The following SPOCK3 variants were observed in gnomAD, a reference collection of about 807,000 sequenced individuals.
SPOCK3 encodes the protein SPARC (osteonectin), cwcv and kazal like domains proteoglycan 3, also known as testican-3.
SPOCK3 carries 30 observed loss-of-function variants against 56.6 expected under a neutral mutation model. That is an observed-to-expected ratio of 0.53 (90% CI 0.40 to 0.72). The LOEUF is 0.72. Among genes scored for constraint, SPOCK3 ranks in the 30% least tolerant of loss-of-function variants. The pLI, the probability that SPOCK3 is intolerant of heterozygous loss-of-function variation, is 0.00. For missense variants in SPOCK3, 527 were observed against 530.0 expected, an observed-to-expected ratio of 0.99 and a Z score of 0.06; for synonymous variants, 196 against 183.3, an observed-to-expected ratio of 1.07 and a Z score of -0.56.
At chr4:166,768,715 T>A (rs940429075) in intron 7 of SPOCK3, among the ~76,000 whole-genome samples, 1 of 152,222 alleles carries the variant, frequency 6.6e-6, no homozygotes. Flanking sequence ...CTGTATTTCA[T>A]GAATTTGAAT....
At chr4:167,051,767 G>A (rs879443309) in intron 3 of SPOCK3, among the ~76,000 whole-genome samples, 25 of 152,214 alleles carry the variant, frequency 1.6e-4, no homozygotes, top group Admixed American at 3.3e-4. Flanking sequence ...TGCCACTGAG[G>A]TGGCGCCTGT....
chr4:166,913,205 T>A (rs577575229), intron 4 of SPOCK3, among the ~76,000 whole-genome samples: 92 of 152,272 alleles, frequency 6.0e-4, no homozygotes, highest in African/African-American at 2.2e-3. Flanking sequence ...AGAATTACAA[T>A]TTTCCAGGAT....
intron 4 of SPOCK3, among the ~76,000 whole-genome samples, chr4:166,985,833 C>G (rs1246287178): frequency 6.6e-6 from 1 of 152,072 alleles, no homozygotes; most frequent in African/African-American, 2.4e-5. Context: ...TAGAAAATTG[C>G]AATCATACAA....
At chr4:166,782,972 A>G (rs1206880187) in intron 7 of SPOCK3, among the ~76,000 whole-genome samples, 2 of 152,242 alleles carry the variant, frequency 1.3e-5, no homozygotes, top group Admixed American at 1.3e-4. Context: ...ATAAACAGTA[A>G]TAATAAGCAA....
intron 5 of SPOCK3, among the ~76,000 whole-genome samples, chr4:166,892,924 G>A (rs562149983): frequency 1.3e-5 from 2 of 152,232 alleles, no homozygotes; most frequent in African/African-American, 4.8e-5. Flanking sequence ...CACTGCGACA[G>A]GCTGTTGTTA....
chr4:167,198,774 A>T (rs1191926093), intron 2 of SPOCK3, among the ~76,000 whole-genome samples: 1 of 152,166 alleles, frequency 6.6e-6, no homozygotes, highest in Non-Finnish European at 1.5e-5. Flanking sequence ...TCAAGGGCAG[A>T]CTTTTACAGC....
intron 3 of SPOCK3, among the ~76,000 whole-genome samples, chr4:167,059,213 C>G (rs1755291347): frequency 6.6e-6 from 1 of 151,998 alleles, no homozygotes; most frequent in Admixed American, 6.6e-5. Flanking sequence ...AGTGAACAGG[C>G]AACCTACAAA....
intron 2 of SPOCK3, among the ~76,000 whole-genome samples, chr4:167,092,771 A>G (rs1197529061): frequency 2.6e-5 from 4 of 152,166 alleles, no homozygotes. Context: ...GTGAAGAATA[A>G]TAGAGAAAAT....
chr4:166,778,108 A>AATTGTCAAG (rs1739771362), intron 7 of SPOCK3, among the ~76,000 whole-genome samples: 1 of 152,202 alleles, frequency 6.6e-6, no homozygotes, highest in Admixed American at 6.5e-5. Context: ...ATTTTGTAAG[A>AATTGTCAAG]ATTGTCAAGC....
At chr4:166,948,891 C>G (rs1340271424) in intron 4 of SPOCK3, among the ~76,000 whole-genome samples, 1 of 152,048 alleles carries the variant, frequency 6.6e-6, no homozygotes. Flanking sequence ...TGTTGGCCTG[C>G]CTTGCTAGAT....
chr4:166,960,166 T>A lies in SPOCK3; in HGVS notation c.350+40183A>T, dbSNP rs1423317111. On this transcript the variant is annotated intron_variant, in intron 4 of 10. Coordinates refer to ENST00000357545, the MANE Select transcript of SPOCK3 (RefSeq NM_001040159.2). ...TCCCTTGATAACTCAAAGATACTTT[T>A]TAAAACAATTTTATTTATCTTAATT... Among the ~76,000 whole-genome samples, 3 of 152,206 alleles carry A rather than the reference T, an allele frequency of 2.0e-5. No homozygotes were observed. In the East Asian group the frequency reaches 5.8e-4, roughly 29 times the overall value.
intron 6 of SPOCK3, among the ~76,000 whole-genome samples, chr4:166,840,640 C>G (rs1005373885): frequency 6.6e-6 from 1 of 152,048 alleles, no homozygotes; most frequent in African/African-American, 2.4e-5. Flanking sequence ...CCTGAGGTCC[C>G]TAGCTAGTTG....
intron 2 of SPOCK3, among the ~76,000 whole-genome samples, chr4:167,149,003 ATATC>A (rs1764196147): frequency 6.6e-6 from 1 of 152,124 alleles, no homozygotes; most frequent in Admixed American, 6.6e-5. Flanking sequence ...ATTCTTTTGA[ATATC>A]TATCATATAA....
chr4:166,776,194 C>A (rs536140323), intron 7 of SPOCK3, among the ~76,000 whole-genome samples: 1 of 152,126 alleles, frequency 6.6e-6, no homozygotes, highest in South Asian at 2.1e-4. Flanking sequence ...GCAGGTGGAC[C>A]AGGAGGTCAG....
At chr4:167,057,102 A>T (rs1451808137) in intron 3 of SPOCK3, among the ~76,000 whole-genome samples, 1 of 152,244 alleles carries the variant, frequency 6.6e-6, no homozygotes. Context: ...CAGAAACTCT[A>T]CAAGCCAGAA....
chr4:167,080,722 C>A (rs1036968967), intron 2 of SPOCK3, among the ~76,000 whole-genome samples: 1 of 151,716 alleles, frequency 6.6e-6, no homozygotes, highest in African/African-American at 2.4e-5. Context: ...TCTACCTACC[C>A]GAGATAGAAA....
intron 6 of SPOCK3, among the ~76,000 whole-genome samples, chr4:166,805,671 G>C (rs1318865175): frequency 6.6e-6 from 1 of 152,040 alleles, no homozygotes; most frequent in Non-Finnish European, 1.5e-5. Flanking sequence ...AGGCATGCCT[G>C]CTATTACAAT....
At chr4:166,965,749 A>G (rs1221188381) in intron 4 of SPOCK3, among the ~76,000 whole-genome samples, 2 of 152,040 alleles carry the variant, frequency 1.3e-5, no homozygotes, top group Admixed American at 6.6e-5. Context: ...GATTTCTCAT[A>G]TACTTGCTGA....
intron 7 of SPOCK3, among the ~76,000 whole-genome samples, chr4:166,771,165 A>G (rs899427861): frequency 2.0e-5 from 3 of 151,324 alleles, no homozygotes; most frequent in African/African-American, 7.3e-5. Flanking sequence ...GTTCAGAATA[A>G]GAAAATTTTT....
Sources: allele counts gnomAD v4.1 joint callset (sites outside exome capture counted in the v4.1 genomes callset), GRCh38; gene constraint gnomAD v4.1.1; transcripts MANE v1.5; gene names NCBI Gene and HGNC (gene_info 2026-07-23, HGNC 2026-07-21).